UBAC1: variants seen among roughly 807,000 people sequenced by gnomAD.
UBAC1 encodes ubiquitin-associated domain-containing protein 1.
A neutral mutation model predicts 45.9 loss-of-function variants in UBAC1; 27 were observed. The observed-to-expected ratio is 0.59, with a 90% confidence interval of 0.43 to 0.81. UBAC1 has a LOEUF of 0.81. Ranked by LOEUF, UBAC1 falls within the 30% of genes least tolerant of loss-of-function variation. The pLI is 0.00. For missense variants in UBAC1, 529 were observed against 539.2 expected (o/e 0.98, Z 0.19); for synonymous variants, 227 against 215.5 (o/e 1.05, Z -0.47).
chr9:135,939,969 C>G (rs191703190), intron 7 of UBAC1, among the ~76,000 whole-genome samples: 75 of 152,350 alleles, frequency 4.9e-4, no homozygotes, highest in Admixed American at 3.7e-3. Flanking sequence ...GCAGGGATGA[C>G]TGTAGTTAGC....
At position 135,955,420 on chromosome 9, in the gene UBAC1, G is replaced by A. The variant is rs1269913345; in HGVS notation, c.139-5C>T. On this transcript the variant is annotated splice_region_variant and splice_polypyrimidine_tract_variant and intron_variant, in intron 1 of 9. Transcript: ENST00000371756. ...TTCTAAGCTCCCATGAGCACACTGG[G>A]GAAAAATAGAAATTTCAAGGTAGAA... 1.3e-6 allele frequency: 2 copies of A among 1,530,262 alleles called. No individual in the cohort carries two copies. Among genetic ancestry groups the A allele is most frequent in the East Asian group, 2.4e-5 (1 of 41,700 alleles). 94.8% of individuals were successfully genotyped at this position (1,530,262 alleles called of 1,614,324 possible). A position where few individuals can be genotyped will look rare whatever the true frequency, so the allele number is the denominator to read the frequency against.
intron 4 of UBAC1, 53 bp downstream of exon 4, chr9:135,947,745 A>G: frequency 6.8e-7 from 1 of 1,478,918 alleles, no homozygotes; most frequent in Non-Finnish European, 9.2e-7. Context: ...CCCCACAGCA[A>G]TCCCCCACAC....
At chr9:135,937,678 G>A (rs935093582) in intron 9 of UBAC1, among the ~76,000 whole-genome samples, 8 of 152,154 alleles carry the variant, frequency 5.3e-5, no homozygotes, top group Non-Finnish European at 1.0e-4. Flanking sequence ...GGTAAGCCGC[G>A]GCCACGGCGA....
In UBAC1 at chr9:135,933,341, C is replaced by T. The variant is rs1839166502; in HGVS notation, c.*59G>A. The T allele has an allele frequency of 6.1e-6, 9 of 1,463,788 alleles. No homozygotes were observed. Among genetic ancestry groups the T allele is most frequent in the South Asian group, 4.6e-5 (4 of 87,502 alleles). 90.7% of individuals were successfully genotyped at this position (1,463,788 alleles called of 1,614,324 possible). On this transcript the variant is annotated 3_prime_UTR_variant, in exon 10 of 10. Transcript: ENST00000371756. Reference sequence around the variant, plus strand: ...GTTTCCAGGTGAGGTCCACTCTGCCCGGTCTCGGGCCGCACCAGGGGGCTG... The same window carrying T: ...GTTTCCAGGTGAGGTCCACTCTGCCTGGTCTCGGGCCGCACCAGGGGGCTG...
rs745320692 is a variant in UBAC1 at position 135,945,967 on chromosome 9, ACACGCT to A, written c.569_574del (p.Glu190_Arg191del). The A allele has an allele frequency of 4.3e-5, 69 of 1,613,894 alleles. No homozygotes were observed. Among genetic ancestry groups the A allele is most frequent in the Non-Finnish European group, 5.7e-5 (67 of 1,180,046 alleles). On this transcript the variant is annotated inframe_deletion, in exon 6 of 10. Coordinates refer to ENST00000371756, the MANE Select transcript of UBAC1 (RefSeq NM_016172.3). ...GAGCTGCCGCAGGGCAGCCTCGTCC[ACACGCT>A]CATCCTCGTCCTCGTCCAGCATTGC... is the stretch of plus-strand genomic sequence containing the variant.
intron 4 of UBAC1, among the ~76,000 whole-genome samples, chr9:135,947,148 C>T (rs1588533573): frequency 1.3e-5 from 2 of 152,224 alleles, no homozygotes; most frequent in South Asian, 2.1e-4. Context: ...CGGCACAGCA[C>T]GTGCCTGCCC....
intron 9 of UBAC1, among the ~76,000 whole-genome samples, chr9:135,936,771 G>A (rs1468348425): frequency 6.6e-6 from 1 of 152,132 alleles, no homozygotes; most frequent in Non-Finnish European, 1.5e-5. Context: ...GGGATTACAG[G>A]CGTGAGCCAC....
chr9:135,936,056 T>G (rs1839200603), intron 9 of UBAC1, among the ~76,000 whole-genome samples: 1 of 150,710 alleles, frequency 6.6e-6, no homozygotes, highest in African/African-American at 2.4e-5. Context: ...GAATACAAGT[T>G]AAAACAATGA....
At chr9:135,937,995 C>A (rs968682794) in intron 9 of UBAC1, among the ~76,000 whole-genome samples, 1 of 152,182 alleles carries the variant, frequency 6.6e-6, no homozygotes, top group Non-Finnish European at 1.5e-5. Context: ...TCAGGGTCAT[C>A]GCGCAGGAGA....
At chr9:135,949,851 T>A (rs186299838) in intron 3 of UBAC1, among the ~76,000 whole-genome samples, 3 of 152,272 alleles carry the variant, frequency 2.0e-5, no homozygotes, top group African/African-American at 7.2e-5. Flanking sequence ...AAGAGTATGA[T>A]CCTTGGTGGG....
intron 9 of UBAC1, among the ~76,000 whole-genome samples, chr9:135,934,570 G>A (rs1256811519): frequency 6.6e-6 from 1 of 152,198 alleles, no homozygotes; most frequent in African/African-American, 2.4e-5. Context: ...TGAGGCAGGA[G>A]AATAGCATGA....
At chr9:135,940,943 A>G (rs1306467092) in intron 7 of UBAC1, among the ~76,000 whole-genome samples, 1 of 152,178 alleles carries the variant, frequency 6.6e-6, no homozygotes, top group African/African-American at 2.4e-5. Flanking sequence ...AGCTCCCAGC[A>G]CCACCCAGGC....
At chr9:135,950,107 G>A (rs1336686250) in intron 3 of UBAC1, among the ~76,000 whole-genome samples, 1 of 152,206 alleles carries the variant, frequency 6.6e-6, no homozygotes, top group Non-Finnish European at 1.5e-5. Flanking sequence ...AGAAAGGAAG[G>A]CAGCCCTTCA....
intron 4 of UBAC1, 86 bp from the exon 5 acceptor site, chr9:135,946,457 T>G: frequency 2.3e-6 from 2 of 876,310 alleles, no homozygotes; most frequent in South Asian, 2.7e-5. Context: ...CCTAGAACTC[T>G]TGATTCTGAG....
intron 4 of UBAC1, among the ~76,000 whole-genome samples, chr9:135,947,169 G>A (rs965730419): frequency 1.4e-4 from 21 of 152,316 alleles, no homozygotes; most frequent in African/African-American, 5.1e-4. Flanking sequence ...TGCCTGCTGC[G>A]GCGTCCACGT....
In UBAC1 at chr9:135,961,099, C is replaced by G; in HGVS notation, c.64G>C (p.Asp22His). Residue 22 changes from aspartate to histidine, a missense_variant, in exon 1 of 10, where the codon GAC becomes CAC. Physicochemically the swap from Asp to His is moderately conservative, Grantham distance 81 (BLOSUM62 -1). Coordinates refer to ENST00000371756, the MANE Select transcript of UBAC1 (RefSeq NM_016172.3). ...GCCTCCTCCAGCCACTCGGCGCCGTCGGACGCGCAGATGTGCAGCCGCAGC... is the reference window on the plus strand; with the variant it reads ...GCCTCCTCCAGCCACTCGGCGCCGTGGGACGCGCAGATGTGCAGCCGCAGC... Reference protein sequence around the residue: ...KVLRLHICASDGAEWLEEATE... With the variant: ...KVLRLHICASHGAEWLEEATE... The G allele has an allele frequency of 1.3e-6, 2 of 1,589,664 alleles. No individual in the cohort carries two copies. Among genetic ancestry groups the G allele is most frequent in the Non-Finnish European group, 1.7e-6 (2 of 1,172,906 alleles).
intron 3 of UBAC1, among the ~76,000 whole-genome samples, chr9:135,953,055 C>A (rs1000788378): frequency 6.6e-6 from 1 of 152,142 alleles, no homozygotes; most frequent in African/African-American, 2.4e-5. Flanking sequence ...CAGGAGCACA[C>A]GCAGGTGAAG....
At chr9:135,946,641 G>A (rs1371170779) in intron 4 of UBAC1, among the ~76,000 whole-genome samples, 4 of 152,246 alleles carry the variant, frequency 2.6e-5, no homozygotes, top group African/African-American at 9.6e-5. Context: ...GCCCTGTGAG[G>A]AAACCGTCGG....
At chr9:135,957,489 C>A (rs143360355) in intron 1 of UBAC1, among the ~76,000 whole-genome samples, 1 of 152,126 alleles carries the variant, frequency 6.6e-6, no homozygotes, top group South Asian at 2.1e-4. Context: ...AGGAACAACA[C>A]GGAAGCACTA....
Sources: gnomAD v4.1 joint callset for allele counts (sites outside exome capture counted in the v4.1 genomes callset) on GRCh38, gnomAD v4.1.1 for gene constraint, MANE v1.5 for transcripts, NCBI Gene and HGNC (gene_info 2026-07-23, HGNC 2026-07-21) for gene names.